The following TMEM132D variants were observed in gnomAD, a reference collection of about 807,000 sequenced individuals.
The protein encoded by TMEM132D is transmembrane protein 132D, also known as mature OL transmembrane protein.
In TMEM132D, 21 loss-of-function variants were observed where a neutral mutation model predicts 62.3. The ratio of observed to expected loss-of-function variants is 0.34; its 90% CI spans 0.24 to 0.49. The LOEUF is 0.49. TMEM132D is among the 20% of genes least tolerant of loss of function. TMEM132D has a pLI of 0.99. For synonymous variants in TMEM132D, 621 were observed against 575.6 expected, an observed-to-expected ratio of 1.08 and a Z score of -1.13; for missense variants, 1,346 against 1,402.8, an observed-to-expected ratio of 0.96 and a Z score of 0.65.
chr12:129,179,322 T>TTTTTTG (rs1275062205), intron 5 of TMEM132D, among the ~76,000 whole-genome samples: 1 of 129,378 alleles, frequency 7.7e-6, no homozygotes, highest in Admixed American at 7.3e-5. Flanking sequence ...GGTAGCCTTT[T>TTTTTTG]TTTTTGTTTT....
At chr12:129,669,522 T>C (rs1014567247) in intron 2 of TMEM132D, among the ~76,000 whole-genome samples, 5 of 152,004 alleles carry the variant, frequency 3.3e-5, no homozygotes, top group African/African-American at 4.8e-5. Flanking sequence ...CTGGCCAACA[T>C]AGTGAAACCC....
intron 4 of TMEM132D, among the ~76,000 whole-genome samples, chr12:129,312,794 G>C (rs1347778191): frequency 2.0e-5 from 3 of 152,094 alleles, no homozygotes; most frequent in Non-Finnish European, 2.9e-5. Context: ...ATCCCCAAAG[G>C]ACATACATTC....
chr12:129,804,472 G>C (rs1035015236), intron 1 of TMEM132D, among the ~76,000 whole-genome samples: 355 of 149,606 alleles, frequency 2.4e-3, no homozygotes, highest in African/African-American at 7.5e-3. Flanking sequence ...CAGAAAAGGC[G>C]TTTGACAAAA....
intron 2 of TMEM132D, among the ~76,000 whole-genome samples, chr12:129,549,427 C>G (rs186083912): frequency 6.6e-6 from 1 of 151,766 alleles, no homozygotes; most frequent in Admixed American, 6.6e-5. Flanking sequence ...GGTTTCCCCC[C>G]TCCTGTTCTC....
At chr12:129,419,413 C>A (rs1277069624) in intron 3 of TMEM132D, among the ~76,000 whole-genome samples, 2 of 152,060 alleles carry the variant, frequency 1.3e-5, no homozygotes, top group Non-Finnish European at 2.9e-5. Context: ...CGTGCAGGAA[C>A]AGCAGCAAAT....
chr12:129,533,582 A>C (rs1876290353), intron 2 of TMEM132D, among the ~76,000 whole-genome samples: 1 of 152,238 alleles, frequency 6.6e-6, no homozygotes, highest in Non-Finnish European at 1.5e-5. Flanking sequence ...TATGTTTCTG[A>C]AATTTTATTC....
intron 1 of TMEM132D, among the ~76,000 whole-genome samples, chr12:129,783,655 T>C (rs779339267): frequency 2.6e-5 from 4 of 152,190 alleles, no homozygotes; most frequent in Non-Finnish European, 1.5e-5. Context: ...TGGAACCAAA[T>C]GTTCAGAACG....
intron 4 of TMEM132D, among the ~76,000 whole-genome samples, chr12:129,240,475 G>C (rs1368187522): frequency 1.3e-5 from 2 of 152,132 alleles, no homozygotes; most frequent in Admixed American, 1.3e-4. Context: ...AAGAAGGTTA[G>C]AATTGTCCCA....
At chr12:129,636,163 A>G (rs1879470640) in intron 2 of TMEM132D, among the ~76,000 whole-genome samples, 1 of 152,200 alleles carries the variant, frequency 6.6e-6, no homozygotes, top group Non-Finnish European at 1.5e-5. Flanking sequence ...TTAGATCTTT[A>G]AAAGGTGCCA....
chr12:129,392,623 G>A (rs892555324), intron 3 of TMEM132D, among the ~76,000 whole-genome samples: 1 of 152,114 alleles, frequency 6.6e-6, no homozygotes, highest in African/African-American at 2.4e-5. Context: ...TAGGAACCTC[G>A]TTACAAATGC....
At chr12:129,714,125 G>A (rs1046530743) in intron 1 of TMEM132D, among the ~76,000 whole-genome samples, 9 of 152,078 alleles carry the variant, frequency 5.9e-5, no homozygotes, top group African/African-American at 1.4e-4. Flanking sequence ...TCCTGCCCCC[G>A]GGGCCTTTGC....
intron 4 of TMEM132D, among the ~76,000 whole-genome samples, chr12:129,293,291 T>C (rs1203685172): frequency 6.6e-6 from 1 of 152,078 alleles, no homozygotes; most frequent in African/African-American, 2.4e-5. Flanking sequence ...GCAGAGCCAA[T>C]GCATTAAAGC....
intron 4 of TMEM132D, among the ~76,000 whole-genome samples, chr12:129,329,456 T>C (rs1414268528): frequency 2.6e-5 from 4 of 152,180 alleles, no homozygotes; most frequent in Non-Finnish European, 4.4e-5. Context: ...AAGAATGCTA[T>C]GAACAGTCAA....
At chr12:129,795,116 A>G (rs1310532042) in intron 1 of TMEM132D, among the ~76,000 whole-genome samples, 2 of 152,220 alleles carry the variant, frequency 1.3e-5, no homozygotes, top group African/African-American at 4.8e-5. Context: ...ACCTCCTTAC[A>G]TTAAACACAT....
At chr12:129,548,009 T>C (rs897703956) in intron 2 of TMEM132D, among the ~76,000 whole-genome samples, 11 of 152,132 alleles carry the variant, frequency 7.2e-5, no homozygotes, top group African/African-American at 1.9e-4. Flanking sequence ...CGTCTCTTCA[T>C]AGGGAGCATG....
chr12:129,242,785 C>T (rs1335011677), intron 4 of TMEM132D, among the ~76,000 whole-genome samples: 2 of 151,930 alleles, frequency 1.3e-5, no homozygotes, highest in African/African-American at 2.4e-5. Flanking sequence ...CGGTAATTAT[C>T]CCTGAGATTT....
At chr12:129,467,844 A>C (rs1283207551) in intron 3 of TMEM132D, among the ~76,000 whole-genome samples, 1 of 152,158 alleles carries the variant, frequency 6.6e-6, no homozygotes, top group Non-Finnish European at 1.5e-5. Flanking sequence ...CTCAGAAGGC[A>C]ATGGAAGGCC....
intron 3 of TMEM132D, among the ~76,000 whole-genome samples, chr12:129,443,105 T>G (rs1427416442): frequency 6.6e-6 from 1 of 152,160 alleles, no homozygotes; most frequent in African/African-American, 2.4e-5. Context: ...CGGCTGAGGC[T>G]GTTGTTGAAA....
chr12:129,658,455 C>T (rs1413603478), intron 2 of TMEM132D, among the ~76,000 whole-genome samples: 4 of 152,096 alleles, frequency 2.6e-5, no homozygotes, highest in Non-Finnish European at 1.5e-5. Context: ...GCTATAAATG[C>T]GGCCTCTACA....
Sources: allele counts gnomAD v4.1 joint callset (sites outside exome capture counted in the v4.1 genomes callset), GRCh38; gene constraint gnomAD v4.1.1; transcripts MANE v1.5; gene names NCBI Gene and HGNC (gene_info 2026-07-23, HGNC 2026-07-21).